Variants in ABCC1 observed in about 807,000 individuals in gnomAD.
ABCC1 encodes the protein multidrug resistance-associated protein 1.
In ABCC1, 83 loss-of-function variants were observed where a neutral mutation model predicts 172.9. The observed-to-expected ratio is 0.48, with a 90% confidence interval of 0.40 to 0.58. The LOEUF (loss-of-function observed/expected upper bound fraction) is 0.58, where lower values mean the gene tolerates loss of function less well. ABCC1 is among the 20% of genes least tolerant of loss of function. The probability of loss-of-function intolerance (pLI) is 0.00; values close to 1 mark genes in which losing one functional copy is unlikely to be tolerated. For missense variants in ABCC1, 1,817 were observed against 2,002.7 expected, an observed-to-expected ratio of 0.91 and a Z score of 1.77; for synonymous variants, 937 against 825.2, an observed-to-expected ratio of 1.14 and a Z score of -2.32.
At chr16:16,006,076 A>G (rs1356767622) in intron 1 of ABCC1, among the ~76,000 whole-genome samples, 1 of 152,192 alleles carries the variant, frequency 6.6e-6, no homozygotes, top group East Asian at 1.9e-4. Context: ...AACAAAAAGT[A>G]TGCCTAAAAC....
chr16:16,129,343 G>A (rs560164451), intron 26 of ABCC1, among the ~76,000 whole-genome samples: 2 of 151,910 alleles, frequency 1.3e-5, no homozygotes, highest in Non-Finnish European at 2.9e-5. Context: ...CATTGTAAGC[G>A]CTCAATAATA....
chr16:16,095,578 A>G (rs747026829), intron 19 of ABCC1, among the ~76,000 whole-genome samples: 2 of 152,182 alleles, frequency 1.3e-5, no homozygotes, highest in African/African-American at 2.4e-5. Context: ...ACGAGCAAGA[A>G]ACCCTGTGTG....
At chr16:16,133,216 A>G (rs887377230) in intron 27 of ABCC1, among the ~76,000 whole-genome samples, 1 of 152,104 alleles carries the variant, frequency 6.6e-6, no homozygotes, top group Non-Finnish European at 1.5e-5. Context: ...CTTCCTGGCC[A>G]TTTGCTGGGG....
At chr16:16,073,055 AAAT>A (rs1555493563) in intron 14 of ABCC1, among the ~76,000 whole-genome samples, 7 of 143,832 alleles carry the variant, frequency 4.9e-5, no homozygotes, top group South Asian at 2.2e-4. Flanking sequence ...AAAAAAAAAA[AAAT>A]AATAATAATA....
At chr16:15,984,182 G>C (rs1567286483) in intron 1 of ABCC1, among the ~76,000 whole-genome samples, 1 of 152,230 alleles carries the variant, frequency 6.6e-6, no homozygotes, top group Non-Finnish European at 1.5e-5. Context: ...TTCCGTGGTA[G>C]GGTGGGATGC....
intron 10 of ABCC1, among the ~76,000 whole-genome samples, chr16:16,051,362 G>A (rs948153294): frequency 6.6e-5 from 10 of 151,628 alleles, no homozygotes; most frequent in East Asian, 1.9e-4. Context: ...TGTAGAAATG[G>A]GGGTCTTGCT....
chr16:16,006,714 C>A (rs2047543203), intron 1 of ABCC1, among the ~76,000 whole-genome samples: 1 of 152,094 alleles, frequency 6.6e-6, no homozygotes, highest in South Asian at 2.1e-4. Flanking sequence ...CAGTATTTAA[C>A]CCTTCTGTGC....
chr16:16,046,435 C>T (rs1020045586), intron 9 of ABCC1, among the ~76,000 whole-genome samples: 1 of 152,092 alleles, frequency 6.6e-6, no homozygotes, highest in African/African-American at 2.4e-5. Flanking sequence ...ACTTCTGCCT[C>T]CTGAGTTCAA....
chr16:15,967,109 G>C (rs1195144105), intron 1 of ABCC1, among the ~76,000 whole-genome samples: 1 of 152,088 alleles, frequency 6.6e-6, no homozygotes, highest in African/African-American at 2.4e-5. Context: ...TGCATACTTG[G>C]TAGGGGAGTG....
chr16:16,112,379 A>C (rs192251190), intron 22 of ABCC1, among the ~76,000 whole-genome samples: 3,254 of 151,606 alleles, frequency 0.021, 61 homozygotes, highest in Non-Finnish European at 0.029. Flanking sequence ...ATAAACAAAA[A>C]AAAAAAAACC....
At chr16:16,083,822 G>A (rs1221764046) in intron 17 of ABCC1, among the ~76,000 whole-genome samples, 1 of 152,094 alleles carries the variant, frequency 6.6e-6, no homozygotes, top group African/African-American at 2.4e-5. Flanking sequence ...CCCAAGATAG[G>A]CCCCCCAGAA....
chr16:16,045,698 T>G, intron 8 of ABCC1, 138 bp from the exon 9 acceptor site: 1 of 891,042 alleles, frequency 1.1e-6, no homozygotes, highest in Non-Finnish European at 1.7e-6. Context: ...TGTGGACTTG[T>G]TTTTCCATCT....
chr16:16,118,996 G>C (rs954379747), intron 23 of ABCC1, among the ~76,000 whole-genome samples: 3 of 151,928 alleles, frequency 2.0e-5, no homozygotes, highest in Admixed American at 6.6e-5. Context: ...CAGGACCGTG[G>C]AGAAATAAAT....
chr16:16,080,638 C>G (rs1472318490), intron 16 of ABCC1, among the ~76,000 whole-genome samples: 16 of 152,192 alleles, frequency 1.1e-4, no homozygotes, highest in Non-Finnish European at 1.3e-4. Context: ...GAACCCCAGG[C>G]TCAAAGAAGC....
intron 1 of ABCC1, among the ~76,000 whole-genome samples, chr16:15,955,206 AT>A (rs1329806345): frequency 1.3e-5 from 2 of 152,096 alleles, no homozygotes; most frequent in Non-Finnish European, 2.9e-5. Context: ...AAATACAAAA[AT>A]TAGCCGAGCC....
At chr16:16,019,066 G>T (rs1005091652) in intron 5 of ABCC1, among the ~76,000 whole-genome samples, 5 of 151,712 alleles carry the variant, frequency 3.3e-5, no homozygotes, top group African/African-American at 4.8e-5. Context: ...TCAAATGTTG[G>T]GCTATTCTTT....
intron 14 of ABCC1, 87 bp downstream of exon 14, chr16:16,071,816 G>A (rs1364989337): frequency 1.6e-6 from 2 of 1,261,434 alleles, no homozygotes; most frequent in Non-Finnish European, 2.3e-6. Context: ...CTTTCCCTTG[G>A]CTGCCCTCAG....
intron 5 of ABCC1, among the ~76,000 whole-genome samples, chr16:16,018,887 C>T (rs1282154161): frequency 1.3e-5 from 2 of 151,976 alleles, no homozygotes; most frequent in Non-Finnish European, 2.9e-5. Context: ...CCTGTAATCC[C>T]AGCACTTTGA....
At chr16:15,960,061 A>C (rs1467189970) in intron 1 of ABCC1, among the ~76,000 whole-genome samples, 2 of 152,138 alleles carry the variant, frequency 1.3e-5, no homozygotes, top group Non-Finnish European at 2.9e-5. Context: ...AATATGTGTG[A>C]TGTCTAAGTC....
Sources: allele counts gnomAD v4.1 joint callset (sites outside exome capture counted in the v4.1 genomes callset), GRCh38; gene constraint gnomAD v4.1.1; transcripts MANE v1.5; gene names NCBI Gene and HGNC (gene_info 2026-07-23, HGNC 2026-07-21).